The following DLG2 variants were observed in gnomAD, a reference collection of about 807,000 sequenced individuals.
DLG2 encodes disks large homolog 2.
A neutral mutation model predicts 132.5 loss-of-function variants in DLG2; 45 were observed. That is an observed-to-expected ratio of 0.34 (90% CI 0.27 to 0.44). The LOEUF (loss-of-function observed/expected upper bound fraction) is 0.44, where lower values mean the gene tolerates loss of function less well. DLG2 is among the 20% of genes least tolerant of loss of function. The pLI is 1.00. For synonymous variants in DLG2, 424 were observed against 419.6 expected (o/e 1.01, Z -0.13); for missense variants, 1,045 against 1,196.9 (o/e 0.87, Z 1.87).
chr11:84,835,565 A>G (rs528354434), intron 6 of DLG2, among the ~76,000 whole-genome samples: 1 of 151,906 alleles, frequency 6.6e-6, no homozygotes, highest in South Asian at 2.1e-4. Flanking sequence ...GATTTGTCTT[A>G]GTACATATGA....
At chr11:83,790,771 C>T (rs1198546438) in intron 17 of DLG2, 2 of 758,042 alleles carry the variant, frequency 2.6e-6, no homozygotes, top group Non-Finnish European at 4.9e-6. Flanking sequence ...AGGTTCTGGT[C>T]TGCCTGACTC....
intron 3 of DLG2, among the ~76,000 whole-genome samples, chr11:85,527,633 T>A (rs11606320): frequency 0.17 from 25,115 of 152,182 alleles, 2,309 homozygotes; most frequent in East Asian, 0.28. Flanking sequence ...TATTTCCTAT[T>A]GTAAATAGTG....
rs2077130764 is a variant in DLG2, at chr11:85,264,972, T to TA, written c.186+20247dup. Among the ~76,000 whole-genome samples, 4 of 152,220 alleles carry TA rather than the reference T, an allele frequency of 2.6e-5. No homozygotes were observed. In the South Asian group the frequency reaches 8.3e-4, roughly 31 times the overall value. The stretch of plus-strand genomic sequence containing the variant: ...GTCTTACCTTCTATCATCCTCCACT[T>TA]ACATTCTAGTCATGCAGAGCTACTT... On this transcript the variant is annotated intron_variant, in intron 4 of 27. Coordinates refer to ENST00000376104, the MANE Select transcript of DLG2 (RefSeq NM_001142699.3).
intron 9 of DLG2, among the ~76,000 whole-genome samples, chr11:84,158,676 A>C (rs952990289): frequency 6.6e-6 from 1 of 152,228 alleles, no homozygotes; most frequent in Non-Finnish European, 1.5e-5. Flanking sequence ...TAAACATAGC[A>C]AAAGTATAAG....
At chr11:83,506,251 T>C (rs1221213607) in intron 21 of DLG2, among the ~76,000 whole-genome samples, 1 of 152,176 alleles carries the variant, frequency 6.6e-6, no homozygotes, top group African/African-American at 2.4e-5. Flanking sequence ...AACAAACTAC[T>C]AGAACCTTTT....
chr11:84,866,604 G>A (rs1344384244), intron 6 of DLG2, among the ~76,000 whole-genome samples: 3 of 152,144 alleles, frequency 2.0e-5, no homozygotes, highest in African/African-American at 7.2e-5. Flanking sequence ...TAACTTCACT[G>A]AACTACACTG....
chr11:84,771,758 C>T (rs11518753), intron 6 of DLG2, among the ~76,000 whole-genome samples: 1 of 151,904 alleles, frequency 6.6e-6, no homozygotes, highest in African/African-American at 2.4e-5. Context: ...AACCAGCTAA[C>T]AACTTTATGA....
chr11:84,331,556 G>A (rs1341882257), intron 7 of DLG2, among the ~76,000 whole-genome samples: 1 of 150,516 alleles, frequency 6.6e-6, no homozygotes, highest in East Asian at 2.0e-4. Context: ...AAACTTGATG[G>A]AGGAGGTGGG....
intron 18 of DLG2, among the ~76,000 whole-genome samples, chr11:83,726,106 A>C (rs2089952291): frequency 6.6e-6 from 1 of 152,218 alleles, no homozygotes; most frequent in Non-Finnish European, 1.5e-5. Flanking sequence ...TAAATGTTTT[A>C]TTTTTTAAAA....
intron 5 of DLG2, among the ~76,000 whole-genome samples, chr11:85,127,335 T>C (rs1490841972): frequency 1.4e-5 from 2 of 145,960 alleles, no homozygotes; most frequent in African/African-American, 5.0e-5. Context: ...CATTGTGGCT[T>C]TCATTCTGCA....
intron 6 of DLG2, among the ~76,000 whole-genome samples, chr11:85,045,175 A>T (rs2062220963): frequency 6.6e-6 from 1 of 152,066 alleles, no homozygotes; most frequent in South Asian, 2.1e-4. Context: ...TGTTGAGAGC[A>T]GGCCTAGTTC....
chr11:85,441,853 C>T (rs551611226), intron 3 of DLG2, among the ~76,000 whole-genome samples: 83 of 151,166 alleles, frequency 5.5e-4, no homozygotes, highest in East Asian at 2.4e-3. Flanking sequence ...CAAGTAATGG[C>T]GAGTGCTATT....
At chr11:83,853,685 T>C (rs551073522) in intron 16 of DLG2, among the ~76,000 whole-genome samples, 2 of 152,278 alleles carry the variant, frequency 1.3e-5, no homozygotes, top group South Asian at 2.1e-4. Context: ...ATAACACCCA[T>C]TGAAAATGAA....
At chr11:83,661,740 T>C (rs544948212) in intron 18 of DLG2, among the ~76,000 whole-genome samples, 2 of 152,038 alleles carry the variant, frequency 1.3e-5, no homozygotes, top group African/African-American at 2.4e-5. Context: ...CAAAGGGCAC[T>C]GCAAGGCTCC....
chr11:85,252,246 G>T (rs999093519), intron 4 of DLG2, among the ~76,000 whole-genome samples: 17 of 152,220 alleles, frequency 1.1e-4, no homozygotes, highest in African/African-American at 4.1e-4. Flanking sequence ...AACGGCGTAA[G>T]ATAGAAAGGG....
intron 6 of DLG2, among the ~76,000 whole-genome samples, chr11:84,712,358 A>C (rs2060543301): frequency 6.6e-6 from 1 of 152,084 alleles, no homozygotes. Flanking sequence ...ATGTATTGTC[A>C]AGGGGGTCAA....
chr11:84,195,665 T>A (rs2154294800), intron 8 of DLG2, among the ~76,000 whole-genome samples: 1 of 152,322 alleles, frequency 6.6e-6, no homozygotes, highest in South Asian at 2.1e-4. Flanking sequence ...TAAAAATCCA[T>A]ACTGTGTAAT....
chr11:83,626,654 C>A (rs575120821), intron 19 of DLG2, among the ~76,000 whole-genome samples: 2 of 152,136 alleles, frequency 1.3e-5, no homozygotes, highest in Admixed American at 1.3e-4. Context: ...CAGAACGAAA[C>A]TATGAGCAGA....
At chr11:83,567,625 T>C (rs17145597) in intron 19 of DLG2, among the ~76,000 whole-genome samples, 7,194 of 152,220 alleles carry the variant, frequency 0.047, 486 homozygotes, top group African/African-American at 0.15. Context: ...CAACTAGTGC[T>C]AAAGGCGTAG....
Sources: allele counts gnomAD v4.1 joint callset (sites outside exome capture counted in the v4.1 genomes callset), GRCh38; gene constraint gnomAD v4.1.1; transcripts MANE v1.5; gene names NCBI Gene and HGNC (gene_info 2026-07-23, HGNC 2026-07-21).